SSH2: variants seen among roughly 807,000 people sequenced by gnomAD.
The protein encoded by SSH2 is slingshot protein phosphatase 2.
Under a neutral mutation model 135.2 loss-of-function variants are expected in SSH2, and 37 were observed. The ratio of observed to expected loss-of-function variants is 0.27; its 90% CI spans 0.21 to 0.36. The LOEUF (loss-of-function observed/expected upper bound fraction) is 0.36, where lower values mean the gene tolerates loss of function less well. Among genes scored for constraint, SSH2 ranks in the 10% least tolerant of loss-of-function variants. The probability of loss-of-function intolerance (pLI) is 1.00; values close to 1 mark genes in which losing one functional copy is unlikely to be tolerated. For missense variants in SSH2, 1,408 were observed against 1,765.3 expected (o/e 0.80, Z 3.63); for synonymous variants, 628 against 646.2 (o/e 0.97, Z 0.43).
At chr17:29,683,923 G>T (rs1383282826) in intron 6 of SSH2, among the ~76,000 whole-genome samples, 2 of 152,104 alleles carry the variant, frequency 1.3e-5, no homozygotes, top group African/African-American at 4.8e-5. Context: ...ACTTCAGCCT[G>T]GGCAGCAGAG....
intron 3 of SSH2, among the ~76,000 whole-genome samples, chr17:29,751,550 A>G (rs1330403106): frequency 1.3e-5 from 2 of 152,228 alleles, no homozygotes; most frequent in Non-Finnish European, 2.9e-5. Flanking sequence ...AACTGTATGC[A>G]CTATATTTTT....
chr17:29,788,813 A>AAAGCCAAG (rs1436380529), intron 3 of SSH2, among the ~76,000 whole-genome samples: 1 of 152,208 alleles, frequency 6.6e-6, no homozygotes, highest in Non-Finnish European at 1.5e-5. Flanking sequence ...CATGCTAGAA[A>AAAGCCAAG]AAGCCAAGAT....
chr17:29,773,886 T>A (rs2041640201), intron 3 of SSH2, among the ~76,000 whole-genome samples: 2 of 152,196 alleles, frequency 1.3e-5, no homozygotes, highest in South Asian at 4.1e-4. Context: ...GTCAGGCTGG[T>A]CTTGAACTCC....
intron 3 of SSH2, among the ~76,000 whole-genome samples, chr17:29,757,662 AG>A (rs1213719354): frequency 1.3e-5 from 2 of 150,908 alleles, no homozygotes; most frequent in Non-Finnish European, 3.0e-5. Context: ...AGGCCAAGGC[AG>A]GAGGATCACT....
At chr17:29,887,240 A>T (rs1252451965) in intron 1 of SSH2, among the ~76,000 whole-genome samples, 3 of 151,922 alleles carry the variant, frequency 2.0e-5, no homozygotes, top group Middle Eastern at 3.4e-3. Context: ...AGAACACAAT[A>T]AAAAAAAATC....
chr17:29,851,022 T>C (rs1424277322), intron 1 of SSH2, among the ~76,000 whole-genome samples: 1 of 152,076 alleles, frequency 6.6e-6, no homozygotes, highest in African/African-American at 2.4e-5. Flanking sequence ...TTGCTAAAAA[T>C]CCTACAAATG....
chr17:29,910,309 C>T (rs1219408129), intron 1 of SSH2, among the ~76,000 whole-genome samples: 1 of 134,490 alleles, frequency 7.4e-6, no homozygotes, highest in Non-Finnish European at 1.6e-5. Flanking sequence ...GGGTACACCC[C>T]TGCCCATTGT....
At chr17:29,823,334 T>C (rs957442109) in intron 2 of SSH2, among the ~76,000 whole-genome samples, 15 of 152,222 alleles carry the variant, frequency 9.9e-5, no homozygotes, top group Non-Finnish European at 1.8e-4. Context: ...TACAAACTTA[T>C]AGAAGAATTT....
At position 29,824,667 on chromosome 17, in the gene SSH2, G is replaced by C. The variant is rs1367015123; in HGVS notation, c.144+24182C>G. 2.0e-5 allele frequency among the ~76,000 whole-genome samples: 3 copies of C among 152,124 alleles called. No individual in the cohort carries two copies. The East Asian group carries it at 5.8e-4, about 29-fold the overall frequency. On this transcript the variant is annotated intron_variant, in intron 2 of 15. Coordinates refer to ENST00000540801, the MANE Select transcript of SSH2 (RefSeq NM_001282129.2). ...TACCTACCAACCTGAACAAAACCGA[G>C]TTTTTAGGAATGGCAGTAGAGAATG...
At chr17:29,788,611 T>TCTCCCTCCCTTCCTCCCTTC (rs2042010685) in intron 3 of SSH2, among the ~76,000 whole-genome samples, 1 of 150,988 alleles carries the variant, frequency 6.6e-6, no homozygotes, top group Non-Finnish European at 1.5e-5. Flanking sequence ...TCCCTCACTC[T>TCTCCCTCCCTTCCTCCCTTC]CTCCCTCCCT....
At chr17:29,872,511 T>C (rs1300356680) in intron 1 of SSH2, among the ~76,000 whole-genome samples, 1 of 152,146 alleles carries the variant, frequency 6.6e-6, no homozygotes, top group Non-Finnish European at 1.5e-5. Context: ...TCCCAGCACT[T>C]TGGGAGGCTA....
At chr17:29,745,403 G>A (rs774692882) in intron 3 of SSH2, among the ~76,000 whole-genome samples, 7 of 152,058 alleles carry the variant, frequency 4.6e-5, no homozygotes, top group Non-Finnish European at 8.8e-5. Context: ...CAAGTGACCC[G>A]CCTGCCTCGG....
chr17:29,889,398 A>G lies in SSH2; in HGVS notation c.64-40469T>C, dbSNP rs866344856. 5.3e-5 allele frequency among the ~76,000 whole-genome samples: 8 copies of G among 152,260 alleles called. No individual in the cohort carries two copies. The South Asian group carries it at 1.7e-3, about 32-fold the overall frequency. Reference sequence around the variant, plus strand: ...GAGGCAGAGGTTGCAGTGAGCTGATATTGCGCCACTGCACTCCGGCCTGGG... The same window carrying G: ...GAGGCAGAGGTTGCAGTGAGCTGATGTTGCGCCACTGCACTCCGGCCTGGG... On this transcript the variant is annotated intron_variant, in intron 1 of 15. Transcript: ENST00000540801.
intron 6 of SSH2, among the ~76,000 whole-genome samples, chr17:29,679,994 A>G (rs545209113): frequency 6.6e-6 from 1 of 152,294 alleles, no homozygotes; most frequent in South Asian, 2.1e-4. Flanking sequence ...TGAATAATAA[A>G]ACCTATTCTC....
intron 15 of SSH2, among the ~76,000 whole-genome samples, chr17:29,633,518 C>A (rs906316958): frequency 1.3e-5 from 2 of 152,218 alleles, no homozygotes; most frequent in Non-Finnish European, 2.9e-5. Context: ...ACTGCTTCCC[C>A]TAGCAGCAAC....
intron 1 of SSH2, chr17:29,925,675 C>T (rs1464650458): frequency 1.0e-5 from 4 of 388,800 alleles, no homozygotes; most frequent in Non-Finnish European, 1.8e-5. Context: ...TGCCACTGCA[C>T]TCCAGCCTGT....
At chr17:29,763,495 T>TAA (rs541851534) in intron 3 of SSH2, among the ~76,000 whole-genome samples, 10 of 135,602 alleles carry the variant, frequency 7.4e-5, no homozygotes, top group Admixed American at 3.0e-4. Context: ...CTGCTGTGAT[T>TAA]AAAAAAAAAA....
chr17:29,690,917 TACACACACACACACACAG>T lies in SSH2; in HGVS notation c.357+4524_357+4541del, dbSNP rs972368933. 1.2e-3 allele frequency among the ~76,000 whole-genome samples: 179 copies of T among 150,052 alleles called. 1 individual carries two copies. Among genetic ancestry groups the T allele is most frequent in the African/African-American group, 4.1e-3 (169 of 41,056 alleles). ...AAACAATGCTCTTCCTCTCACTCTT[TACACACACACACACACAG>T]ACACACACACACACATAGACACACA... On this transcript the variant is annotated intron_variant, in intron 5 of 15. Coordinates refer to ENST00000540801, the MANE Select transcript of SSH2 (RefSeq NM_001282129.2).
intron 1 of SSH2, among the ~76,000 whole-genome samples, chr17:29,914,554 G>A (rs566231320): frequency 1.6e-5 from 2 of 122,406 alleles, no homozygotes; most frequent in African/African-American, 5.6e-5. Context: ...GAGAGACCCT[G>A]TCTGAAAAAA....
Sources: gnomAD v4.1 joint callset for allele counts (sites outside exome capture counted in the v4.1 genomes callset) on GRCh38, gnomAD v4.1.1 for gene constraint, MANE v1.5 for transcripts, NCBI Gene and HGNC (gene_info 2026-07-23, HGNC 2026-07-21) for gene names.